Variants in STK11 observed in about 807,000 individuals in gnomAD.
STK11 encodes serine/threonine-protein kinase STK11.
Under a neutral mutation model 47.3 loss-of-function variants are expected in STK11, and 8 were observed. That is an observed-to-expected ratio of 0.17 (90% CI 0.10 to 0.31). The LOEUF (loss-of-function observed/expected upper bound fraction) is 0.31. STK11 is among the 10% of genes least tolerant of loss of function. STK11 has a pLI of 1.00. For synonymous variants in STK11, 330 were observed against 255.8 expected (o/e 1.29, Z -2.77); for missense variants, 475 against 605.0 (o/e 0.79, Z 2.25).
intron 8 of STK11, chr19:1,223,813 T>A: frequency 9.7e-7 from 1 of 1,032,036 alleles, no homozygotes; most frequent in Non-Finnish European, 1.2e-6. Context: ...CTCCCCGCCA[T>A]GCTCCCGGCT....
intron 6 of STK11, 179 bp downstream of exon 6, chr19:1,221,519 C>T: frequency 1.0e-6 from 1 of 984,198 alleles, no homozygotes. Flanking sequence ...CTCAGCTCCA[C>T]CCTGCTTCTG....
rs760399075 is a variant in STK11, at chr19:1,222,961, G to A, written c.921-24G>A. On this transcript the variant is annotated intron_variant, in intron 7 of 9. Coordinates refer to ENST00000326873, the MANE Select transcript of STK11 (RefSeq NM_000455.5). Reference sequence around the variant, plus strand: ...CCGCCCTGGTGCCAGCCTGACAGGCGCCACTGCTTCTGGGCGTTTGCAGCT... The same window carrying A: ...CCGCCCTGGTGCCAGCCTGACAGGCACCACTGCTTCTGGGCGTTTGCAGCT... The A allele has an allele frequency of 1.6e-5, 24 of 1,524,770 alleles. No homozygotes were observed. Among genetic ancestry groups the A allele is most frequent in the Middle Eastern group, 3.5e-4 (2 of 5,696 alleles). 94.5% of individuals were successfully genotyped at this position (1,524,770 alleles called of 1,614,324 possible). A position where few individuals can be genotyped will look rare whatever the true frequency, so the allele number is the denominator to read the frequency against.
Position 1,227,694 on chromosome 19 carries a change from A to G in STK11, c.*118A>G. On this transcript the variant is annotated 3_prime_UTR_variant, in exon 10 of 10. Transcript: ENST00000326873. The stretch of plus-strand genomic sequence containing the variant: ...AGGTGGCCGCCATGCTTCTGTGCCG[A>G]CCACGCCCCAGGACCTCCGGAGCGC... The G allele has an allele frequency of 9.4e-7, 1 of 1,069,374 alleles. No homozygotes were observed. Among genetic ancestry groups the G allele is most frequent in the Non-Finnish European group, 1.1e-6 (1 of 881,836 alleles). The allele number at this position is 1,069,374 out of a possible 1,614,324, so 66.2% of individuals were successfully genotyped here.
At chr19:1,208,811 C>T (rs1272935964) in intron 1 of STK11, among the ~76,000 whole-genome samples, 3 of 139,108 alleles carry the variant, frequency 2.2e-5, no homozygotes, top group East Asian at 2.1e-4. Context: ...TTAGTAGAGA[C>T]GGGGTTTCAC....
At chr19:1,209,915 G>A (rs1018572188) in intron 1 of STK11, among the ~76,000 whole-genome samples, 2 of 152,160 alleles carry the variant, frequency 1.3e-5, no homozygotes, top group Admixed American at 6.5e-5. Context: ...ACTGTGCGTC[G>A]CAGCTACCCA....
At chr19:1,213,656 G>A (rs868107872) in intron 1 of STK11, among the ~76,000 whole-genome samples, 1 of 152,214 alleles carries the variant, frequency 6.6e-6, no homozygotes, top group Admixed American at 6.5e-5. Context: ...GCCACGCTGC[G>A]TTTGACTGCT....
At chr19:1,222,154 C>T in intron 7 of STK11, 148 bp downstream of exon 7, 4 of 976,884 alleles carry the variant, frequency 4.1e-6, no homozygotes, top group Non-Finnish European at 4.6e-6. Context: ...GTTCTCGGGG[C>T]CCGAGTGGGG....
At chr19:1,213,972 G>A (rs1457097953) in intron 1 of STK11, among the ~76,000 whole-genome samples, 3 of 152,242 alleles carry the variant, frequency 2.0e-5, no homozygotes, top group African/African-American at 4.8e-5. Context: ...CTTGAGTGGC[G>A]TTTATGACTC....
chr19:1,218,654 T>C (rs1040194369), intron 2 of STK11, among the ~76,000 whole-genome samples, 154 bp downstream of exon 2: 1 of 152,014 alleles, frequency 6.6e-6, no homozygotes, highest in African/African-American at 2.4e-5. Context: ...AGTCAGCCAT[T>C]GTGGCAATGG....
Position 1,227,732 on chromosome 19 carries a change from G to GGCAGGGGGACA in STK11, c.*163_*173dup. On this transcript the variant is annotated 3_prime_UTR_variant, in exon 10 of 10. Transcript: ENST00000326873. ...ACCTCCGGAGCGCCCTGCAGGGCCG[G>GGCAGGGGGACA]GCAGGGGGACAGCAGGGACCGGGCG... 9.3e-7 allele frequency: 1 copy of GGCAGGGGGACA among 1,072,022 alleles called. No individual in the cohort carries two copies. The highest frequency in any genetic ancestry group is 1.1e-6 in the Non-Finnish European group (1 of 883,486). 66.4% of individuals were successfully genotyped at this position (1,072,022 alleles called of 1,614,324 possible). A position where few individuals can be genotyped will look rare whatever the true frequency, so the allele number is the denominator to read the frequency against.
chr19:1,224,040 G>A (rs1188127111), intron 8 of STK11: 9 of 1,004,332 alleles, frequency 9.0e-6, no homozygotes, highest in Non-Finnish European at 1.1e-5. Flanking sequence ...CGGGCCCGAG[G>A]GTCCCAGAAT....
At chr19:1,212,375 C>T (rs1366204193) in intron 1 of STK11, among the ~76,000 whole-genome samples, 2 of 145,628 alleles carry the variant, frequency 1.4e-5, no homozygotes, top group African/African-American at 5.2e-5. Context: ...AGGTGACCCT[C>T]CTGCCCCCAA....
chr19:1,210,003 T>G (rs907202524), intron 1 of STK11, among the ~76,000 whole-genome samples: 4 of 152,020 alleles, frequency 2.6e-5, no homozygotes, highest in African/African-American at 9.7e-5. Flanking sequence ...TGGCCCTGAG[T>G]GTGTAACGGC....
At chr19:1,220,545 C>A (rs532466406) in intron 4 of STK11, 36 bp from the exon 5 acceptor site, 2 of 1,578,184 alleles carry the variant, frequency 1.3e-6, no homozygotes, top group Non-Finnish European at 1.7e-6. Flanking sequence ...CGCCCCCTCC[C>A]GGGCACTCCC....
intron 3 of STK11, 151 bp from the exon 4 acceptor site, chr19:1,220,222 G>A (rs1164821890): frequency 3.1e-5 from 34 of 1,085,392 alleles, no homozygotes; most frequent in Admixed American, 5.3e-5. Flanking sequence ...CTCCCTGCTG[G>A]ACCTAGCCTT....
chr19:1,213,248 C>T (rs557751574), intron 1 of STK11, among the ~76,000 whole-genome samples: 10 of 149,862 alleles, frequency 6.7e-5, no homozygotes, highest in African/African-American at 1.2e-4. Context: ...CTGCCTGCCT[C>T]GGCCTCCCAA....
intron 1 of STK11, chr19:1,216,467 C>T (rs1246706007): frequency 1.9e-5 from 3 of 155,504 alleles, no homozygotes; most frequent in Middle Eastern, 3.2e-3. Flanking sequence ...GTAGTCCCAG[C>T]GACTCAGGGG....
rs1555738693 is a variant in STK11, at chr19:1,221,309, C to G, written c.831C>G (p.Asp277Glu). The change falls in exon 6 of 10, where the codon GAC becomes GAG. Residue 277 changes from aspartate (D) to glutamate (E), a missense_variant. Physicochemically the swap from Asp to Glu is conservative, Grantham distance 45. Around this residue, in one of 5 missense-constraint regions of STK11, gnomAD observed 130 missense variants for 239.7 expected, o/e 0.54. Coordinates refer to ENST00000326873, the MANE Select transcript of STK11 (RefSeq NM_000455.5). ...IGKGSYAIPG[D>E]CGPPLSDLLK... Reference sequence around the variant, plus strand: ...AGGGGAGCTACGCCATCCCGGGCGACTGTGGCCCCCCGCTCTCTGACCTGC... The same window carrying G: ...AGGGGAGCTACGCCATCCCGGGCGAGTGTGGCCCCCCGCTCTCTGACCTGC... The G allele has an allele frequency of 6.2e-7, 1 of 1,610,540 alleles. No individual in the cohort carries two copies. The highest frequency in any genetic ancestry group is 8.5e-7 in the Non-Finnish European group (1 of 1,178,778).
chr19:1,206,334 G>T lies in STK11; in HGVS notation c.-580G>T, dbSNP rs548605358. ...GGAGTCGGCGCCCCCCGGGAGGTCC[G>T]CTCGGTCGTCCGCGGCGGAGCGTTT... On this transcript the variant is annotated 5_prime_UTR_variant, in exon 1 of 10. Coordinates refer to ENST00000326873, the MANE Select transcript of STK11 (RefSeq NM_000455.5). 1 of 228,924 alleles carries T rather than the reference G, an allele frequency of 4.4e-6. No homozygotes were observed. Among genetic ancestry groups the T allele is most frequent in the Non-Finnish European group, 8.7e-6 (1 of 115,360 alleles). 14.2% of individuals were successfully genotyped at this position (228,924 alleles called of 1,614,324 possible).
Sources: gnomAD v4.1 joint callset for allele counts (sites outside exome capture counted in the v4.1 genomes callset) on GRCh38, gnomAD v4.1.1 for gene constraint, gnomAD v4.1.1 regional missense constraint, MANE v1.5 for transcripts, NCBI Gene and HGNC (gene_info 2026-07-23, HGNC 2026-07-21) for gene names.